Variants in GPD1L observed in about 807,000 individuals in gnomAD.
GPD1L encodes glycerol-3-phosphate dehydrogenase 1-like protein.
Under a neutral mutation model 32.9 loss-of-function variants are expected in GPD1L, and 17 were observed. The observed-to-expected ratio is 0.52, with a 90% CI of 0.35 to 0.78. GPD1L has a LOEUF of 0.78. GPD1L is among the 30% of genes least tolerant of loss of function. The pLI is 0.01. For missense variants in GPD1L, 361 were observed against 447.8 expected, an observed-to-expected ratio of 0.81 and a Z score of 1.75; for synonymous variants, 187 against 165.9, an observed-to-expected ratio of 1.13 and a Z score of -0.98.
At chr3:32,155,852 G>A (rs1239831524) in intron 5 of GPD1L, among the ~76,000 whole-genome samples, 1 of 152,170 alleles carries the variant, frequency 6.6e-6, no homozygotes, top group Non-Finnish European at 1.5e-5. Context: ...GAGGTGGAGT[G>A]GTTGGCCTAG....
At chr3:32,158,803 C>T (rs1461466100) in intron 5 of GPD1L, 73 bp from the exon 6 acceptor site, 1 of 1,570,788 alleles carries the variant, frequency 6.4e-7, no homozygotes, top group Non-Finnish European at 8.6e-7. Flanking sequence ...CCTCGGCATC[C>T]CCCACCACCT....
intron 3 of GPD1L, among the ~76,000 whole-genome samples, chr3:32,139,726 G>A (rs1700712275): frequency 6.6e-6 from 1 of 152,228 alleles, no homozygotes; most frequent in Non-Finnish European, 1.5e-5. Flanking sequence ...ATACTGTGCA[G>A]TAAGTGAACA....
chr3:32,142,890 G>A (rs1700768236), intron 4 of GPD1L, among the ~76,000 whole-genome samples: 1 of 152,148 alleles, frequency 6.6e-6, no homozygotes, highest in Non-Finnish European at 1.5e-5. Context: ...AAGCACTGAT[G>A]ACCTGAATTA....
At chr3:32,143,990 A>C (rs949677056) in intron 4 of GPD1L, among the ~76,000 whole-genome samples, 9 of 152,202 alleles carry the variant, frequency 5.9e-5, no homozygotes, top group Non-Finnish European at 1.3e-4. Context: ...TCTAAAAATC[A>C]AAAAGGAGAC....
chr3:32,115,950 G>C (rs559375263), intron 1 of GPD1L, among the ~76,000 whole-genome samples: 5 of 151,842 alleles, frequency 3.3e-5, no homozygotes, highest in Non-Finnish European at 2.9e-5. Context: ...ACCACGCCAG[G>C]CTAATTTTTT....
At chr3:32,122,368 C>T (rs1211706541) in intron 1 of GPD1L, among the ~76,000 whole-genome samples, 1 of 152,128 alleles carries the variant, frequency 6.6e-6, no homozygotes, top group Non-Finnish European at 1.5e-5. Flanking sequence ...CTTTGGGCCT[C>T]AATTTCATCA....
intron 1 of GPD1L, among the ~76,000 whole-genome samples, chr3:32,125,240 C>T (rs1056896459): frequency 2.6e-5 from 4 of 152,142 alleles, no homozygotes; most frequent in African/African-American, 9.7e-5. Context: ...GGAGTGGCCT[C>T]TAGTTGTGTC....
chr3:32,148,644 A>G (rs1700868051), intron 5 of GPD1L, among the ~76,000 whole-genome samples: 1 of 152,218 alleles, frequency 6.6e-6, no homozygotes, highest in Non-Finnish European at 1.5e-5. Flanking sequence ...GGTAGCAAAC[A>G]CTGGCACACT....
chr3:32,114,340 A>G (rs1246487078), intron 1 of GPD1L, among the ~76,000 whole-genome samples: 1 of 152,220 alleles, frequency 6.6e-6, no homozygotes, highest in Non-Finnish European at 1.5e-5. Flanking sequence ...CTTAATAGGC[A>G]CTTTTCAAGC....
chr3:32,110,101 G>T (rs902507840), intron 1 of GPD1L, among the ~76,000 whole-genome samples: 1 of 152,200 alleles, frequency 6.6e-6, no homozygotes, highest in African/African-American at 2.4e-5. Flanking sequence ...GTGTTTTTTA[G>T]TAGAGACGAG....
chr3:32,135,028 T>C (rs144797477), intron 2 of GPD1L, among the ~76,000 whole-genome samples: 1 of 152,348 alleles, frequency 6.6e-6, no homozygotes, highest in Admixed American at 6.5e-5. Flanking sequence ...GCTGAGTAGC[T>C]TGCCAGAGGT....
intron 3 of GPD1L, 81 bp from the exon 4 acceptor site, chr3:32,140,147 G>A (rs1435871436): frequency 4.2e-6 from 6 of 1,424,074 alleles, no homozygotes; most frequent in Non-Finnish European, 5.0e-6. Context: ...TTTTCAAGTT[G>A]TGTAGCCATG....
chr3:32,135,866 C>T (rs1297193644), intron 2 of GPD1L, among the ~76,000 whole-genome samples: 1 of 152,056 alleles, frequency 6.6e-6, no homozygotes, highest in African/African-American at 2.4e-5. Flanking sequence ...AAATCTTCAC[C>T]ACTTGTGGAC....
intron 1 of GPD1L, among the ~76,000 whole-genome samples, chr3:32,119,450 T>C (rs773531616): frequency 2.0e-5 from 3 of 152,244 alleles, no homozygotes; most frequent in Non-Finnish European, 4.4e-5. Flanking sequence ...GAAAGCCTTT[T>C]CAGTCTCCTT....
In GPD1L at chr3:32,149,769, G is replaced by A. The variant is rs961800070; in HGVS notation, c.618+3035G>A. ...CTTAGACCAGTCTGGCCAATAGGGCGAAACCGCATCTCTACTAAAAAATAC... is the reference window on the plus strand; with the variant it reads ...CTTAGACCAGTCTGGCCAATAGGGCAAAACCGCATCTCTACTAAAAAATAC... On this transcript the variant is annotated intron_variant, in intron 5 of 7. Transcript: ENST00000282541. 9.9e-5 allele frequency among the ~76,000 whole-genome samples: 15 copies of A among 152,208 alleles called. No homozygotes were observed. In the East Asian group the frequency reaches 1.9e-3, roughly 20 times the overall value.
At chr3:32,155,016 T>C (rs1385486556) in intron 5 of GPD1L, among the ~76,000 whole-genome samples, 2 of 152,292 alleles carry the variant, frequency 1.3e-5, no homozygotes, top group East Asian at 3.9e-4. Flanking sequence ...CCCAAAGTGC[T>C]AGGATTATGC....
At chr3:32,131,770 G>A (rs1353219299) in intron 2 of GPD1L, among the ~76,000 whole-genome samples, 1 of 152,104 alleles carries the variant, frequency 6.6e-6, no homozygotes, top group African/African-American at 2.4e-5. Context: ...TTTCTTTTGT[G>A]TGTATACCTA....
At chr3:32,159,494 T>G (rs1204130929) in intron 6 of GPD1L, 74 bp from the exon 7 acceptor site, 2 of 977,118 alleles carry the variant, frequency 2.0e-6, no homozygotes, top group African/African-American at 3.3e-5. Context: ...AAAAAACACT[T>G]AAAAATTAAA....
chr3:32,154,116 T>C (rs973909377), intron 5 of GPD1L, among the ~76,000 whole-genome samples: 21 of 151,996 alleles, frequency 1.4e-4, no homozygotes, highest in African/African-American at 4.8e-4. Flanking sequence ...CAATGGTAAG[T>C]GGTGGAGGGA....
Sources: gnomAD v4.1 joint callset for allele counts (sites outside exome capture counted in the v4.1 genomes callset) on GRCh38, gnomAD v4.1.1 for gene constraint, MANE v1.5 for transcripts, NCBI Gene and HGNC (gene_info 2026-07-23, HGNC 2026-07-21) for gene names.